The following SMIM21 variants were observed in gnomAD, a reference collection of about 807,000 sequenced individuals.
The protein encoded by SMIM21 is chromosome 18 open reading frame 62.
SMIM21 carries 8 observed loss-of-function variants against 8.6 expected under a neutral mutation model. That is an observed-to-expected ratio of 0.93 (90% confidence interval 0.55 to 1.68). SMIM21 has a LOEUF of 1.68. Among genes scored for constraint, SMIM21 ranks in the 40% most tolerant of loss-of-function variants. The pLI, the probability that SMIM21 is intolerant of heterozygous loss-of-function variation, is 0.00. For missense variants in SMIM21, 132 were observed against 123.0 expected (o/e 1.07, Z -0.35); for synonymous variants, 43 against 41.7 (o/e 1.03, Z -0.12).
chr18:75,418,341 G>A (rs2024670567), intron 2 of SMIM21: 1 of 394,006 alleles, frequency 2.5e-6, no homozygotes, highest in South Asian at 1.4e-4. Flanking sequence ...CTCAAAGAAG[G>A]GCTGAGATTT....
At chr18:75,416,203 G>C (rs1248987051) in intron 2 of SMIM21, 3 of 152,190 alleles carry the variant, frequency 2.0e-5, no homozygotes, top group Non-Finnish European at 2.9e-5. Context: ...AGCAATCAAT[G>C]TTAACAATAT....
intron 2 of SMIM21, among the ~76,000 whole-genome samples, chr18:75,411,306 A>T (rs997424731): frequency 6.6e-6 from 1 of 152,248 alleles, no homozygotes; most frequent in Non-Finnish European, 1.5e-5. Flanking sequence ...GCAGCACCAA[A>T]ATAGTAGACC....
intron 2 of SMIM21, chr18:75,416,282 A>G (rs987991174): frequency 6.6e-6 from 1 of 152,194 alleles, no homozygotes; most frequent in Non-Finnish European, 1.5e-5. Context: ...TCCTTTAATC[A>G]ATACCGTGGT....
intron 2 of SMIM21, chr18:75,415,957 A>G (rs1219288954): frequency 6.6e-6 from 1 of 152,234 alleles, no homozygotes; most frequent in Admixed American, 6.5e-5. Context: ...TCTTACTGGC[A>G]GATATTACGC....
intron 2 of SMIM21, among the ~76,000 whole-genome samples, chr18:75,414,075 TCACACACA>T (rs74180809): frequency 0.34 from 42,841 of 125,784 alleles, 8,627 homozygotes; most frequent in African/African-American, 0.6. Context: ...TCTCTCTGTC[TCACACACA>T]CACACACACA....
At chr18:75,424,040 G>A (rs1486061296) in intron 1 of SMIM21, among the ~76,000 whole-genome samples, 1 of 80,048 alleles carries the variant, frequency 1.2e-5, no homozygotes, top group African/African-American at 3.3e-5. Context: ...CTTCAAGAAT[G>A]TTTGACCATT....
intron 1 of SMIM21, among the ~76,000 whole-genome samples, chr18:75,422,100 A>G (rs552329350): frequency 6.6e-6 from 1 of 152,234 alleles, no homozygotes; most frequent in South Asian, 2.1e-4. Context: ...AGTCCAGCCA[A>G]AGCCGCCCAC....
At chr18:75,425,259 G>A (rs1355103288) in intron 1 of SMIM21, among the ~76,000 whole-genome samples, 1 of 152,128 alleles carries the variant, frequency 6.6e-6, no homozygotes, top group East Asian at 1.9e-4. Context: ...GTCACTGCCT[G>A]CAAACAGGAG....
At chr18:75,419,431 A>G (rs989764168) in intron 1 of SMIM21, among the ~76,000 whole-genome samples, 17 of 152,172 alleles carry the variant, frequency 1.1e-4, no homozygotes, top group East Asian at 1.9e-4. Context: ...CATGCCATAT[A>G]TCATTGGTTT....
chr18:75,414,796 T>C (rs1299594044), intron 2 of SMIM21, among the ~76,000 whole-genome samples: 3 of 152,146 alleles, frequency 2.0e-5, no homozygotes, highest in African/African-American at 7.2e-5. Context: ...CCCTGGGTGG[T>C]TTTGGACCCT....
chr18:75,425,638 C>T (rs866787228), intron 1 of SMIM21, among the ~76,000 whole-genome samples: 4 of 152,190 alleles, frequency 2.6e-5, no homozygotes, highest in African/African-American at 9.7e-5. Flanking sequence ...AATCAGTTAT[C>T]AACTGGCTTT....
chr18:75,416,941 T>C (rs1289185592), intron 2 of SMIM21: 1 of 152,198 alleles, frequency 6.6e-6, no homozygotes, highest in East Asian at 1.9e-4. Context: ...TGTTGGTTCT[T>C]CTGTTCCACA....
Position 75,410,550 on chromosome 18 carries a change from A to T in SMIM21, c.*314T>A, listed in dbSNP as rs1195676689. ...AATTGAAAATATGACTACAGGCTTG[A>T]TGTCCTAATGAAGAAGTTCTTTGCA... On this transcript the variant is annotated 3_prime_UTR_variant, in exon 3 of 3. Coordinates refer to ENST00000579022, the MANE Select transcript of SMIM21 (RefSeq NM_001037331.3). 2.4e-5 allele frequency: 10 copies of T among 419,646 alleles called. No individual in the cohort carries two copies. Among genetic ancestry groups the T allele is most frequent in the Non-Finnish European group, 3.3e-5 (8 of 244,262 alleles). 26.0% of individuals were successfully genotyped at this position (419,646 alleles called of 1,614,324 possible).
intron 2 of SMIM21, among the ~76,000 whole-genome samples, chr18:75,418,368 A>G (rs1321528344): frequency 6.6e-6 from 1 of 152,156 alleles, no homozygotes; most frequent in Non-Finnish European, 1.5e-5. Context: ...CTTCTTCCCA[A>G]GAGAGTTATT....
At chr18:75,411,457 G>A (rs575881798) in intron 2 of SMIM21, among the ~76,000 whole-genome samples, 6 of 152,310 alleles carry the variant, frequency 3.9e-5, no homozygotes, top group Admixed American at 1.3e-4. Flanking sequence ...TCTAACTCAC[G>A]AATGATGATC....
In SMIM21 at chr18:75,410,825, C is replaced by G. The variant is rs1212492301; in HGVS notation, c.*39G>C. 7 of 1,611,726 alleles carry G rather than the reference C, an allele frequency of 4.3e-6. No individual in the cohort carries two copies. The highest frequency in any genetic ancestry group is 5.1e-6 in the Non-Finnish European group (6 of 1,179,286). On this transcript the variant is annotated 3_prime_UTR_variant, in exon 3 of 3. Coordinates refer to ENST00000579022, the MANE Select transcript of SMIM21 (RefSeq NM_001037331.3). ...TCTTTTCATCTTGAGCAGGGGAAAT[C>G]CATGGTATGAAGGCCATGAGAGAGA...
intron 1 of SMIM21, among the ~76,000 whole-genome samples, chr18:75,427,136 AG>A (rs981432161): frequency 6.6e-6 from 1 of 152,136 alleles, no homozygotes; most frequent in Non-Finnish European, 1.5e-5. Context: ...CTCTCTCTGT[AG>A]GGGAGAGATC....
intron 2 of SMIM21, among the ~76,000 whole-genome samples, chr18:75,414,816 C>T (rs1183055765): frequency 1.3e-5 from 2 of 151,988 alleles, no homozygotes; most frequent in African/African-American, 4.8e-5. Flanking sequence ...TTTGAACGTA[C>T]CACATAATTG....
chr18:75,410,676 C>T lies in SMIM21; in HGVS notation c.*188G>A. ...CCTGAACAGAAAAAGGAAGAGTGCC[C>T]CTCAAGAACAAAGCAGACATTATCA... On this transcript the variant is annotated 3_prime_UTR_variant, in exon 3 of 3. Transcript: ENST00000579022. 7.2e-7 allele frequency: 1 copy of T among 1,392,962 alleles called. No homozygotes were observed. The highest frequency in any genetic ancestry group is 9.3e-7 in the Non-Finnish European group (1 of 1,072,706). 86.3% of individuals were successfully genotyped at this position (1,392,962 alleles called of 1,614,324 possible).
Sources: allele counts gnomAD v4.1 joint callset (sites outside exome capture counted in the v4.1 genomes callset), GRCh38; gene constraint gnomAD v4.1.1; transcripts MANE v1.5; gene names NCBI Gene and HGNC (gene_info 2026-07-23, HGNC 2026-07-21).